PI4KA: variants seen among roughly 807,000 people sequenced by gnomAD.
The protein encoded by PI4KA is phosphatidylinositol 4-kinase alpha.
A neutral mutation model predicts 271.4 loss-of-function variants in PI4KA; 122 were observed. That is an observed-to-expected ratio of 0.45 (90% CI 0.39 to 0.52). The LOEUF (loss-of-function observed/expected upper bound fraction) is 0.52, where lower values mean the gene tolerates loss of function less well. Among genes scored for constraint, PI4KA ranks in the 20% least tolerant of loss-of-function variants. PI4KA has a pLI of 0.00. For missense variants in PI4KA, 1,969 were observed against 2,769.1 expected, an observed-to-expected ratio of 0.71 and a Z score of 6.48; for synonymous variants, 1,041 against 1,078.8, an observed-to-expected ratio of 0.96 and a Z score of 0.69.
At chr22:20,831,822 T>C (rs73390423) in intron 3 of PI4KA, among the ~76,000 whole-genome samples, 4,537 of 152,172 alleles carry the variant, frequency 0.03, 227 homozygotes, top group African/African-American at 0.1. Flanking sequence ...TTGTGTAGTA[T>C]TTCATAGGGG....
At chr22:20,847,912 T>A (rs1926469860) in intron 1 of PI4KA, among the ~76,000 whole-genome samples, 1 of 152,134 alleles carries the variant, frequency 6.6e-6, no homozygotes, top group African/African-American at 2.4e-5. Flanking sequence ...AGACATCCCA[T>A]GTTCATAGAT....
In PI4KA at chr22:20,838,734, A is replaced by G. The variant is rs553071914; in HGVS notation, c.157-3T>C. ...CACATGCAAAGAAGCTTTTGGACCTAGAAAATGAGACCCCCCCAAAAACAG... is the reference window on the plus strand; with the variant it reads ...CACATGCAAAGAAGCTTTTGGACCTGGAAAATGAGACCCCCCCAAAAACAG... On this transcript the variant is annotated splice_region_variant and splice_polypyrimidine_tract_variant and intron_variant, in intron 1 of 54. Transcript: ENST00000255882. The G allele has an allele frequency of 6.4e-7, 1 of 1,557,210 alleles. No individual in the cohort carries two copies. The highest frequency in any genetic ancestry group is 8.8e-7 in the Non-Finnish European group (1 of 1,132,104).
At chr22:20,716,036 C>T (rs538147441) in intron 45 of PI4KA, among the ~76,000 whole-genome samples, 5 of 151,514 alleles carry the variant, frequency 3.3e-5, no homozygotes, top group Admixed American at 6.6e-5. Flanking sequence ...ATTACAGGCA[C>T]GCGCCACCAT....
Position 20,726,556 on chromosome 22 carries a change from CAG to C in PI4KA, c.4942-17_4942-16del. 2 of 1,582,238 alleles carry C rather than the reference CAG, an allele frequency of 1.3e-6. No homozygotes were observed. The highest frequency in any genetic ancestry group is 4.8e-5 in the East Asian group (2 of 41,948). On this transcript the variant is annotated splice_polypyrimidine_tract_variant and intron_variant, in intron 41 of 54. Transcript: ENST00000255882. ...AGGATGGCGTCCTGTGGAGGTGGAG[CAG>C]AGTTGGCCATGACTTCTGAGAGCAG...
intron 19 of PI4KA, among the ~76,000 whole-genome samples, chr22:20,789,115 GGA>G (rs1934465779): frequency 1.3e-5 from 2 of 151,994 alleles, no homozygotes; most frequent in South Asian, 4.2e-4. Flanking sequence ...ACTCAAAGCA[GGA>G]GAGTACTCAT....
Position 20,791,042 on chromosome 22 carries a change from T to C in PI4KA, c.2328+2151A>G, listed in dbSNP as rs371575986. On this transcript the variant is annotated intron_variant, in intron 19 of 54. Transcript: ENST00000255882. ...GCGCAGGCTCACACACGATCCCACA[T>C]GTAGGACCAGGAGTCCAACCTGGAA... 1.2e-4 allele frequency among the ~76,000 whole-genome samples: 19 copies of C among 152,300 alleles called. No individual in the cohort carries two copies. The South Asian group carries it at 2.9e-3, about 23-fold the overall frequency.
chr22:20,790,293 T>A (rs549108615), intron 19 of PI4KA, among the ~76,000 whole-genome samples: 10 of 152,256 alleles, frequency 6.6e-5, no homozygotes, highest in South Asian at 4.1e-4. Context: ...AACAGAGTAA[T>A]CTGAGACACT....
At chr22:20,737,355 C>G (rs1046800790) in intron 32 of PI4KA, among the ~76,000 whole-genome samples, 7 of 152,212 alleles carry the variant, frequency 4.6e-5, no homozygotes, top group African/African-American at 1.7e-4. Flanking sequence ...TTTCCCTAGG[C>G]TGATCTGTCC....
chr22:20,738,264 C>T (rs1460499239), intron 32 of PI4KA, among the ~76,000 whole-genome samples: 1 of 152,174 alleles, frequency 6.6e-6, no homozygotes, highest in Non-Finnish European at 1.5e-5. Context: ...AAACTGCAAC[C>T]ATCAGCCTAG....
rs773814432 is a variant in PI4KA at position 20,729,379 on chromosome 22, T to C, written c.4616A>G (p.Gln1539Arg). ...RSKYISLSEK[Q>R]WKDNVNLAWS... ...GGCGAGGTTCACGTTGTCCTTCCAC[T>C]GCTTCTCACTCAGGCTGATGTACTT... The change falls in exon 39 of 55, where the codon CAG (glutamine) becomes CGG (arginine). Residue 1539 changes from glutamine (Q) to arginine (R), a missense_variant. By Grantham distance (43) the Gln-to-Arg change is conservative. This residue lies in a region of PI4KA where 388 missense variants were observed against 521.5 expected (regional missense o/e 0.74). Transcript: ENST00000255882. 6.2e-7 allele frequency: 1 copy of C among 1,614,148 alleles called. No homozygotes were observed. The highest frequency in any genetic ancestry group is 8.5e-7 in the Non-Finnish European group (1 of 1,180,014).
chr22:20,787,182 A>G, intron 19 of PI4KA: 1 of 947,272 alleles, frequency 1.1e-6, no homozygotes, highest in Non-Finnish European at 1.7e-6. Flanking sequence ...ACCAATCTGA[A>G]TTCGAGGCCC....
Position 20,853,664 on chromosome 22 carries a change from G to C in PI4KA, c.156+4906C>G, listed in dbSNP as rs572249107. 2.0e-5 allele frequency among the ~76,000 whole-genome samples: 3 copies of C among 152,340 alleles called. No homozygotes were observed. In the South Asian group the frequency reaches 6.2e-4, roughly 32 times the overall value. On this transcript the variant is annotated intron_variant, in intron 1 of 54. Coordinates refer to ENST00000255882, the MANE Select transcript of PI4KA (RefSeq NM_058004.4). ...GGGTGGGACCCCAGTCTAAAGCACA[G>C]CCTAGCAGGAAAAGCTCAAAGCTCA...
intron 32 of PI4KA, among the ~76,000 whole-genome samples, chr22:20,741,145 G>C (rs1368201171): frequency 3.9e-5 from 6 of 152,226 alleles, no homozygotes; most frequent in Admixed American, 3.9e-4. Flanking sequence ...CAAGGAATTA[G>C]AGGGAGAAAT....
chr22:20,842,550 C>T (rs549893326), intron 1 of PI4KA, among the ~76,000 whole-genome samples: 45 of 152,264 alleles, frequency 3.0e-4, no homozygotes, highest in Middle Eastern at 3.4e-3. Context: ...CCGTGGCTCA[C>T]ACCTGTAATC....
At chr22:20,739,203 G>T (rs930496705) in intron 32 of PI4KA, among the ~76,000 whole-genome samples, 1 of 53,554 alleles carries the variant, frequency 1.9e-5, no homozygotes, top group Non-Finnish European at 3.7e-5. Context: ...AAAATTAGCC[G>T]GGCGTGGTGG....
At chr22:20,738,514 G>A (rs996210558) in intron 32 of PI4KA, among the ~76,000 whole-genome samples, 1 of 152,184 alleles carries the variant, frequency 6.6e-6, no homozygotes, top group Non-Finnish European at 1.5e-5. Context: ...GCTGAGATGC[G>A]AACAGCAAGT....
intron 30 of PI4KA, 66 bp downstream of exon 30, chr22:20,744,562 C>A (rs1929844873): frequency 3.6e-6 from 4 of 1,096,910 alleles, no homozygotes; most frequent in African/African-American, 1.5e-5. Flanking sequence ...CACTAGGAAG[C>A]GGCCAACAGG....
intron 19 of PI4KA, among the ~76,000 whole-genome samples, chr22:20,780,775 C>CAAAAAAAA (rs538327544): frequency 2.7e-4 from 18 of 67,692 alleles, no homozygotes; most frequent in South Asian, 5.3e-4. Context: ...GACTCCATCT[C>CAAAAAAAA]AAAAAAAAAA....
At position 20,839,294 on chromosome 22, in the gene PI4KA, A is replaced by C. The variant is rs546782322; in HGVS notation, c.157-563T>G. ...AACCAATAAGTCATAGTTTTTTTTC[A>C]GTTAAAAGATCACAGGACATCTCCA... On this transcript the variant is annotated intron_variant, in intron 1 of 54. Coordinates refer to ENST00000255882, the MANE Select transcript of PI4KA (RefSeq NM_058004.4). Among the ~76,000 whole-genome samples, 5 of 152,280 alleles carry C rather than the reference A, an allele frequency of 3.3e-5. No individual in the cohort carries two copies. In the South Asian group the frequency reaches 1.0e-3, roughly 32 times the overall value.
Sources: gnomAD v4.1 joint callset for allele counts (sites outside exome capture counted in the v4.1 genomes callset) on GRCh38, gnomAD v4.1.1 for gene constraint, gnomAD v4.1.1 regional missense constraint, MANE v1.5 for transcripts, NCBI Gene and HGNC (gene_info 2026-07-23, HGNC 2026-07-21) for gene names.